The following SP100 variants were observed in gnomAD, a reference collection of about 807,000 sequenced individuals.
The protein encoded by SP100 is nuclear autoantigen Sp-100.
A neutral mutation model predicts 130.0 loss-of-function variants in SP100; 84 were observed. The observed-to-expected ratio is 0.65, with a 90% CI of 0.54 to 0.77. The LOEUF (loss-of-function observed/expected upper bound fraction) is 0.77. Among genes scored for constraint, SP100 ranks in the 30% least tolerant of loss-of-function variants. SP100 has a pLI of 0.00. For missense variants in SP100, 978 were observed against 1,052.2 expected, an observed-to-expected ratio of 0.93 and a Z score of 0.97; for synonymous variants, 331 against 351.7, an observed-to-expected ratio of 0.94 and a Z score of 0.66.
rs146720011 is a variant in SP100, at chr2:230,528,470, A to C, written c.2095-10797A>C. On this transcript the variant is annotated intron_variant, in intron 24 of 28. Coordinates refer to ENST00000340126, the MANE Select transcript of SP100 (RefSeq NM_001080391.2). ...TATAGCACTAAATGCCCACAAGAGA[A>C]AGCAGGAAAGATCTGCAATGAACAC... Among the ~76,000 whole-genome samples the C allele has an allele frequency of 4.3e-3, 656 of 152,368 alleles. 6 individuals are homozygous for C. Among genetic ancestry groups the C allele is most frequent in the African/African-American group, 0.015 (629 of 41,584 alleles).
At chr2:230,449,249 T>C in intron 6 of SP100, 99 bp downstream of exon 6, 1 of 1,244,178 alleles carries the variant, frequency 8.0e-7, no homozygotes, top group Admixed American at 1.7e-5. Context: ...TGTCCAGAAT[T>C]TTCAGGTTTT....
chr2:230,445,101 T>G (rs765362423), intron 4 of SP100, among the ~76,000 whole-genome samples: 1 of 152,254 alleles, frequency 6.6e-6, no homozygotes, highest in Non-Finnish European at 1.5e-5. Context: ...AACTGATTAC[T>G]CTGCCAGGGA....
chr2:230,422,090 A>T (rs936575079), intron 2 of SP100, among the ~76,000 whole-genome samples: 6 of 151,966 alleles, frequency 3.9e-5, no homozygotes, highest in African/African-American at 1.2e-4. Context: ...TTTCTGAGGA[A>T]CTTCATTCCT....
At chr2:230,527,672 G>A (rs1691494055) in intron 24 of SP100, among the ~76,000 whole-genome samples, 2 of 152,116 alleles carry the variant, frequency 1.3e-5, no homozygotes, top group South Asian at 2.1e-4. Context: ...CTGTATTCAG[G>A]AGACCCAACT....
chr2:230,432,250 T>A (rs909201707), intron 2 of SP100, among the ~76,000 whole-genome samples: 7 of 152,252 alleles, frequency 4.6e-5, no homozygotes, highest in African/African-American at 1.7e-4. Context: ...TTGTATTCCA[T>A]TATATGGCTC....
At chr2:230,497,395 G>C (rs1371639961) in intron 18 of SP100, among the ~76,000 whole-genome samples, 1 of 149,400 alleles carries the variant, frequency 6.7e-6, no homozygotes, top group Non-Finnish European at 1.5e-5. Flanking sequence ...AAAGAAAAAT[G>C]CAGGGAGATG....
rs1232718193 is a variant in SP100, at chr2:230,442,943, C to A, written c.114C>A (p.Phe38Leu). ...PAHSHDLQRM[F>L]TEDQGVDDRL... ...TGGTGTCCTTTTTCCCTAGGATGTTCACGGAAGACCAGGGTGTAGATGACA... is the reference window on the plus strand; with the variant it reads ...TGGTGTCCTTTTTCCCTAGGATGTTAACGGAAGACCAGGGTGTAGATGACA... The change falls in exon 3 of 29, where the codon TTC (phenylalanine) becomes TTA (leucine). Residue 38 changes from phenylalanine to leucine, a missense_variant. Phe to Leu is a conservative substitution (Grantham distance 22). Transcript: ENST00000340126. 1 of 1,613,168 alleles carries A rather than the reference C, an allele frequency of 6.2e-7. No homozygotes were observed. The highest frequency in any genetic ancestry group is 1.7e-5 in the Admixed American group (1 of 59,782).
intron 17 of SP100, among the ~76,000 whole-genome samples, chr2:230,475,400 T>C (rs913825483): frequency 5.3e-5 from 8 of 152,228 alleles, no homozygotes; most frequent in Admixed American, 5.2e-4. Context: ...TTTTTGCTTG[T>C]TGATTTGTTT....
intron 17 of SP100, 97 bp from the exon 18 acceptor site, chr2:230,494,319 A>G: frequency 1.0e-6 from 1 of 998,920 alleles, no homozygotes; most frequent in East Asian, 2.5e-5. Flanking sequence ...AAGTAGAAGG[A>G]AAACAAAATT....
At chr2:230,503,230 G>A (rs2067136128) in intron 20 of SP100, 120 bp downstream of exon 20, 9 of 608,004 alleles carry the variant, frequency 1.5e-5, no homozygotes, top group Middle Eastern at 4.7e-4. Flanking sequence ...GAGCCTTAAC[G>A]TTGACCAGCA....
intron 19 of SP100, among the ~76,000 whole-genome samples, chr2:230,502,282 T>C (rs776604601): frequency 1.3e-5 from 2 of 152,216 alleles, no homozygotes; most frequent in Non-Finnish European, 2.9e-5. Context: ...ATAGCCTTCA[T>C]TGGGTTAGTT....
intron 23 of SP100, 28 bp from the exon 24 acceptor site, chr2:230,511,096 TG>T: frequency 6.6e-7 from 1 of 1,511,134 alleles, no homozygotes. Flanking sequence ...CACTCAATAT[TG>T]TACCAATCTT....
chr2:230,468,701 C>T (rs62193415), intron 13 of SP100: 48,431 of 169,594 alleles, frequency 0.29, 7,215 homozygotes, highest in South Asian at 0.46. Flanking sequence ...GCCTGTAGTC[C>T]CAGTGATGTG....
At chr2:230,437,806 T>A (rs2063339904) in intron 2 of SP100, among the ~76,000 whole-genome samples, 1 of 152,152 alleles carries the variant, frequency 6.6e-6, no homozygotes, top group South Asian at 2.1e-4. Flanking sequence ...TCCGCCCGCC[T>A]CAGCCTCCTA....
intron 24 of SP100, chr2:230,515,143 T>G (rs921579314): frequency 1.7e-5 from 28 of 1,611,552 alleles, no homozygotes; most frequent in East Asian, 2.2e-5. Context: ...GTTCTCAGAG[T>G]TTTTAAAGAA....
At chr2:230,443,219 G>A (rs927949136) in intron 3 of SP100, 120 bp downstream of exon 3, 3 of 910,334 alleles carry the variant, frequency 3.3e-6, no homozygotes, top group African/African-American at 3.4e-5. Context: ...CTATGAGTGG[G>A]GAACTTTTTC....
intron 2 of SP100, among the ~76,000 whole-genome samples, chr2:230,439,082 T>G (rs534459323): frequency 3.3e-5 from 5 of 152,344 alleles, no homozygotes; most frequent in African/African-American, 1.2e-4. Context: ...GTGGTTTTGA[T>G]TTGCATTTCC....
At chr2:230,456,064 G>A (rs2064261085) in intron 8 of SP100, among the ~76,000 whole-genome samples, 1 of 151,952 alleles carries the variant, frequency 6.6e-6, no homozygotes, top group Non-Finnish European at 1.5e-5. Context: ...ACTTCTTTCA[G>A]CTTGAGCATT....
At chr2:230,465,367 C>A (rs536945308) in intron 11 of SP100, among the ~76,000 whole-genome samples, 1 of 152,236 alleles carries the variant, frequency 6.6e-6, no homozygotes, top group East Asian at 1.9e-4. Context: ...CCACTGCACT[C>A]TAGCCTGGGT....
Sources: allele counts gnomAD v4.1 joint callset (sites outside exome capture counted in the v4.1 genomes callset), GRCh38; gene constraint gnomAD v4.1.1; transcripts MANE v1.5; gene names NCBI Gene and HGNC (gene_info 2026-07-23, HGNC 2026-07-21).